The following MAF variants were observed in gnomAD, a reference collection of about 807,000 sequenced individuals.
The protein encoded by MAF is transcription factor Maf.
Under a neutral mutation model 22.0 loss-of-function variants are expected in MAF, and 10 were observed. The ratio of observed to expected loss-of-function variants is 0.45; its 90% CI spans 0.28 to 0.77. The LOEUF is 0.77. Among genes scored for constraint, MAF ranks in the 30% least tolerant of loss-of-function variants. The pLI is 0.12. For missense variants in MAF, 544 were observed against 548.4 expected, an observed-to-expected ratio of 0.99 and a Z score of 0.08; for synonymous variants, 337 against 255.8, an observed-to-expected ratio of 1.32 and a Z score of -3.03.
chr16:79,232,410 G>A, the MAF span, among the ~76,000 whole-genome samples: 6 of 152,036 alleles, frequency 3.9e-5, no homozygotes, highest in Non-Finnish European at 7.4e-5. Context: ...GGTAACACCT[G>A]CAGCAGATTC....
chr16:79,457,872 C>T, the MAF span, among the ~76,000 whole-genome samples: 1 of 152,086 alleles, frequency 6.6e-6, no homozygotes, highest in Non-Finnish European at 1.5e-5. Flanking sequence ...CTGCCTCCCA[C>T]AGTATGAGAA....
chr16:79,530,826 TA>T, the MAF span, among the ~76,000 whole-genome samples: 1 of 152,186 alleles, frequency 6.6e-6, no homozygotes, highest in East Asian at 1.9e-4. Flanking sequence ...CTGGAGATAG[TA>T]AAACGGCAGG....
the MAF span, among the ~76,000 whole-genome samples, chr16:79,402,915 T>G: frequency 9.2e-5 from 14 of 152,266 alleles, no homozygotes; most frequent in African/African-American, 3.4e-4. Context: ...TGAATGGGGT[T>G]GAGCTGGGCA....
downstream of MAF, among the ~76,000 whole-genome samples, chr16:79,583,994 G>C (rs1912687630): frequency 6.6e-6 from 1 of 152,154 alleles, no homozygotes; most frequent in African/African-American, 2.4e-5. Flanking sequence ...AAAAATGTTA[G>C]TCAGGATCAA....
chr16:79,567,352 G>A, the MAF span, among the ~76,000 whole-genome samples: 1 of 151,870 alleles, frequency 6.6e-6, no homozygotes, highest in Non-Finnish European at 1.5e-5. Context: ...AGCTAGAGGG[G>A]TCACTCATTC....
At chr16:79,392,266 G>A in the MAF span, among the ~76,000 whole-genome samples, 1 of 147,302 alleles carries the variant, frequency 6.8e-6, no homozygotes, top group Non-Finnish European at 1.5e-5. Context: ...AAGAGTAGAA[G>A]GAGGAGGAGA....
the MAF span, among the ~76,000 whole-genome samples, chr16:79,428,852 T>TAAA: frequency 1.4e-4 from 20 of 143,258 alleles, no homozygotes; most frequent in South Asian, 4.2e-3. Flanking sequence ...CTCAGAAAAA[T>TAAA]AATAATAATA....
rs1339306952 is a variant in MAF, at chr16:79,594,524, G to A, written c.1148C>T (p.Ser383Leu). Residue 383 changes from serine (S) to leucine (L), a missense_variant, in exon 2 of 2, where the codon TCA (serine) becomes TTA (leucine). This residue lies in a region of MAF where 129 missense variants were observed against 113.6 expected (regional missense o/e 1.14). Transcript: ENST00000326043. ...CTTCCAAAATGTGGCGTATCCCACT[G>A]ATGGCTCCAACTTGCGAGTGGGCTC... The part of the protein sequence containing the change: ...ITEPTRKLEP[S>L]VGYATFWKPQ... 2 of 1,565,588 alleles carry A rather than the reference G, an allele frequency of 1.3e-6. No homozygotes were observed. Among genetic ancestry groups the A allele is most frequent in the Middle Eastern group, 1.7e-4 (1 of 6,006 alleles).
chr16:79,529,580 C>A, the MAF span, among the ~76,000 whole-genome samples: 1 of 152,108 alleles, frequency 6.6e-6, no homozygotes, highest in African/African-American at 2.4e-5. Flanking sequence ...TTAAAAGGAA[C>A]AATTTATGGA....
chr16:79,598,402 C>T (rs1913700479), intron 1 of MAF: 1 of 1,214,446 alleles, frequency 8.2e-7, no homozygotes, highest in South Asian at 1.9e-5. Context: ...ACATGAAGAA[C>T]TCTGCTGAGA....
chr16:79,368,046 C>T, the MAF span, among the ~76,000 whole-genome samples: 78 of 152,294 alleles, frequency 5.1e-4, no homozygotes, highest in Non-Finnish European at 7.9e-4. Context: ...GAACAGCTCC[C>T]TGAAGGCCTG....
chr16:79,213,180 G>GAAAC, the MAF span, among the ~76,000 whole-genome samples: 1 of 152,166 alleles, frequency 6.6e-6, no homozygotes, highest in African/African-American at 2.4e-5. Flanking sequence ...TGCTTCTGCT[G>GAAAC]AAATACCAGG....
the MAF span, among the ~76,000 whole-genome samples, chr16:79,323,616 G>A: frequency 1.3e-5 from 2 of 152,314 alleles, no homozygotes; most frequent in East Asian, 1.9e-4. Context: ...GGGTGCGTCT[G>A]GTGATGGGAC....
the MAF span, among the ~76,000 whole-genome samples, chr16:79,563,206 T>C: frequency 6.6e-6 from 1 of 152,200 alleles, no homozygotes; most frequent in Non-Finnish European, 1.5e-5. Flanking sequence ...GGTTTTCAAC[T>C]GGATAACTCA....
In MAF at chr16:79,600,123, C is replaced by T; in HGVS notation, c.-221G>A. 1 of 550,640 alleles carries T rather than the reference C, an allele frequency of 1.8e-6. No individual in the cohort carries two copies. The highest frequency in any genetic ancestry group is 3.8e-5 in the Admixed American group (1 of 25,976). 34.1% of individuals were successfully genotyped at this position (550,640 alleles called of 1,614,324 possible). A position where few individuals can be genotyped will look rare whatever the true frequency, so the allele number is the denominator to read the frequency against. On this transcript the variant is annotated 5_prime_UTR_variant, in exon 1 of 2. Transcript: ENST00000326043. Reference sequence around the variant, plus strand: ...GCGCCCGCCCTCCCTCCCCCCTGCTCACGCCAATGTGCTCCCTCGCTCGCC... The same window carrying T: ...GCGCCCGCCCTCCCTCCCCCCTGCTTACGCCAATGTGCTCCCTCGCTCGCC...
At chr16:79,350,984 T>C in the MAF span, among the ~76,000 whole-genome samples, 1 of 152,062 alleles carries the variant, frequency 6.6e-6, no homozygotes, top group Admixed American at 6.6e-5. Flanking sequence ...GCCCACATTC[T>C]TTTTTCACTT....
the MAF span, among the ~76,000 whole-genome samples, chr16:79,302,886 G>T: frequency 1.3e-5 from 2 of 152,222 alleles, no homozygotes; most frequent in African/African-American, 4.8e-5. Context: ...TCTGTTTAAT[G>T]TAACTGGGAA....
chr16:79,547,075 A>G, the MAF span, among the ~76,000 whole-genome samples: 1 of 152,160 alleles, frequency 6.6e-6, no homozygotes, highest in African/African-American at 2.4e-5. Flanking sequence ...TTCTTTGAAA[A>G]GTTCCTTTCT....
the MAF span, among the ~76,000 whole-genome samples, chr16:79,542,425 G>C: frequency 2.6e-5 from 4 of 152,296 alleles, no homozygotes; most frequent in South Asian, 8.3e-4. Context: ...TTCCAGGCTG[G>C]TGTCTCCCAA....
Sources: gnomAD v4.1 joint callset for allele counts (sites outside exome capture counted in the v4.1 genomes callset) on GRCh38, gnomAD v4.1.1 for gene constraint, gnomAD v4.1.1 regional missense constraint, MANE v1.5 for transcripts, NCBI Gene and HGNC (gene_info 2026-07-23, HGNC 2026-07-21) for gene names.